Variants in COL18A1 observed in about 807,000 individuals in gnomAD.
COL18A1 encodes the protein collagen type XVIII alpha 1 chain.
A neutral mutation model predicts 168.0 loss-of-function variants in COL18A1; 133 were observed. That is an observed-to-expected ratio of 0.79 (90% CI 0.69 to 0.91). The LOEUF (loss-of-function observed/expected upper bound fraction) is 0.91. Among genes scored for constraint, COL18A1 ranks in the 40% least tolerant of loss-of-function variants. The pLI, the probability that COL18A1 is intolerant of heterozygous loss-of-function variation, is 0.00. For synonymous variants in COL18A1, 949 were observed against 809.0 expected, an observed-to-expected ratio of 1.17 and a Z score of -2.94; for missense variants, 2,126 against 1,925.4, an observed-to-expected ratio of 1.10 and a Z score of -1.95.
chr21:45,405,745 G>T (rs1482390774), intron 2 of COL18A1, among the ~76,000 whole-genome samples: 1 of 151,028 alleles, frequency 6.6e-6, no homozygotes. Context: ...CTCCGCGGCC[G>T]GCGGGGTCGT....
chr21:45,415,898 G>A (rs953968209), intron 2 of COL18A1, among the ~76,000 whole-genome samples: 1 of 152,186 alleles, frequency 6.6e-6, no homozygotes, highest in Admixed American at 6.5e-5. Flanking sequence ...CCTCAGCCCT[G>A]AGGGTACTTG....
At chr21:45,491,579 T>G (rs564593755) in intron 22 of COL18A1, among the ~76,000 whole-genome samples, 1 of 144,488 alleles carries the variant, frequency 6.9e-6, no homozygotes, top group African/African-American at 2.5e-5. Flanking sequence ...AAGGCTCCCA[T>G]TGGGCTCACT....
chr21:45,439,538 T>C (rs924364835), intron 2 of COL18A1, among the ~76,000 whole-genome samples: 1 of 152,266 alleles, frequency 6.6e-6, no homozygotes, highest in East Asian at 1.9e-4. Flanking sequence ...CTTCGGTGCC[T>C]GCTGAGAAAT....
chr21:45,429,527 T>C (rs941452420), intron 2 of COL18A1, among the ~76,000 whole-genome samples: 3 of 152,214 alleles, frequency 2.0e-5, no homozygotes, highest in Admixed American at 1.3e-4. Flanking sequence ...GCATAGAACA[T>C]GGCCCAGGAA....
At chr21:45,428,993 C>G (rs1460415430) in intron 2 of COL18A1, among the ~76,000 whole-genome samples, 1 of 151,680 alleles carries the variant, frequency 6.6e-6, no homozygotes, top group East Asian at 1.9e-4. Flanking sequence ...ACCTCTGCCT[C>G]CCAGGTTCAA....
Position 45,505,205 on chromosome 21 carries a change from C to T in COL18A1, c.2940C>T (p.Tyr980=), listed in dbSNP as rs768583096. 2.7e-5 allele frequency: 44 copies of T among 1,603,210 alleles called. No individual in the cohort carries two copies. The highest frequency in any genetic ancestry group is 3.2e-5 in the Non-Finnish European group (38 of 1,176,072). ...CTCAGGGACCCCCCGGCATCGGCTA[C>T]GAGGGGCGCCAGGGCCCTCCCGGCC... The part of the protein sequence containing the change: ...PGPQGPPGIG[Y]EGRQGPPGPP... Residue 980 remains tyrosine (Y), a synonymous_variant, in exon 35 of 42, where the codon TAC becomes TAT. Transcript: ENST00000651438.
intron 2 of COL18A1, among the ~76,000 whole-genome samples, chr21:45,444,916 C>T (rs2034472598): frequency 6.6e-6 from 1 of 152,118 alleles, no homozygotes; most frequent in Non-Finnish European, 1.5e-5. Flanking sequence ...AATCAAGCAG[C>T]ATTAAGGATT....
At chr21:45,452,355 A>C (rs1009421985) in intron 2 of COL18A1, among the ~76,000 whole-genome samples, 1 of 148,584 alleles carries the variant, frequency 6.7e-6, no homozygotes, top group African/African-American at 2.5e-5. Context: ...GCACTCTGTG[A>C]CATGTGTAAG....
chr21:45,471,027 T>TC lies in COL18A1; in HGVS notation c.651+2241_651+2242insC, dbSNP rs11375422. 0.22 allele frequency among the ~76,000 whole-genome samples: 31,489 copies of TC among 146,138 alleles called. 4,621 individuals carry two copies. Among genetic ancestry groups the TC allele is most frequent in the African/African-American group, 0.42 (16,276 of 39,214 alleles). On this transcript the variant is annotated intron_variant, in intron 3 of 41. Transcript: ENST00000651438. This position sits in a 1 kb window ranked among gnomAD's most constrained non-coding sequence, Gnocchi z 4.4. The stretch of plus-strand genomic sequence containing the variant: ...GGGCCTGGGTGGCGTGCTACGGGCT[T>TC]GTGCTGCTGGGTGTGGGTGGCGCGC...
At chr21:45,442,309 G>A (rs1436402176) in intron 2 of COL18A1, among the ~76,000 whole-genome samples, 2 of 152,202 alleles carry the variant, frequency 1.3e-5, no homozygotes, top group Admixed American at 6.5e-5. Context: ...TTTTGTAACT[G>A]CAGAGCATGA....
intron 2 of COL18A1, chr21:45,456,776 C>A (rs1193382911): frequency 1.3e-6 from 2 of 1,542,880 alleles, no homozygotes; most frequent in Non-Finnish European, 1.7e-6. Flanking sequence ...CGAGGCCCTG[C>A]AGGATGCGTG....
In COL18A1 at chr21:45,498,643, C is replaced by T. The variant is rs927442595; in HGVS notation, c.2683+982C>T. 3.1e-5 allele frequency: 22 copies of T among 698,956 alleles called. No individual in the cohort carries two copies. The highest frequency in any genetic ancestry group is 1.4e-4 in the African/African-American group (8 of 56,598). The allele number at this position is 698,956 out of a possible 1,614,324, so 43.3% of individuals were successfully genotyped here. On this transcript the variant is annotated intron_variant, in intron 32 of 41. Coordinates refer to ENST00000651438, the MANE Select transcript of COL18A1 (RefSeq NM_001379500.1). This position sits in a 1 kb window ranked among gnomAD's most constrained non-coding sequence, Gnocchi z 4.5. ...GAGGCAAAGGCAGGCAGAAAGCAAG[C>T]GGGAAGATGGAAGATGTGCCCATGC...
chr21:45,500,499 T>G (rs1361625454), intron 32 of COL18A1, among the ~76,000 whole-genome samples: 4 of 38,222 alleles, frequency 1.0e-4, no homozygotes, highest in Non-Finnish European at 1.4e-4. Flanking sequence ...GCGTGTGTAG[T>G]GTGGGGGTGT....
chr21:45,476,199 C>A (rs1010893640), intron 5 of COL18A1, 152 bp from the exon 6 acceptor site: 8 of 1,162,592 alleles, frequency 6.9e-6, no homozygotes, highest in Middle Eastern at 2.9e-4. Context: ...CGGAAGGAAG[C>A]CCCTCGCGCA....
chr21:45,472,033 C>T lies in COL18A1; in HGVS notation c.652-1862C>T, dbSNP rs148415073. Among the ~76,000 whole-genome samples, 625 of 152,228 alleles carry T rather than the reference C, an allele frequency of 4.1e-3. 6 individuals carry two copies. Among genetic ancestry groups the T allele is most frequent in the African/African-American group, 0.014 (591 of 41,548 alleles). On this transcript the variant is annotated intron_variant, in intron 3 of 41. Coordinates refer to ENST00000651438, the MANE Select transcript of COL18A1 (RefSeq NM_001379500.1). ...CCCTGTAGCCCCGTGCAGGAGGCGT[C>T]GGCCCCTCGGGGGCACTCTCAGGAG... is the stretch of plus-strand genomic sequence containing the variant.
chr21:45,434,245 C>T (rs887778664), intron 2 of COL18A1, among the ~76,000 whole-genome samples: 1 of 152,150 alleles, frequency 6.6e-6, no homozygotes, highest in Admixed American at 6.5e-5. Flanking sequence ...TGTGGCAGGG[C>T]AGGACAGAAG....
At position 45,480,801 on chromosome 21, in the gene COL18A1, C is replaced by T. The variant is rs914401777; in HGVS notation, c.1554C>T (p.Pro518=). The T allele has an allele frequency of 9.9e-6, 16 of 1,611,614 alleles. No homozygotes were observed. In the East Asian group the frequency reaches 2.0e-4, roughly 20 times the overall value. The change falls in exon 13 of 42, where the codon CCC becomes CCT. Residue 518 remains proline, a synonymous_variant. Transcript: ENST00000651438. ...FGVNSSDVPG[P]AGLPGVPGRE... ...TGAACAGCTCCGACGTCCCAGGACC[C>T]GCCGGCCTTCCTGGTGTGCCTGGGC...
At chr21:45,489,554 C>T in intron 19 of COL18A1, 33 bp downstream of exon 19, 2 of 1,514,668 alleles carry the variant, frequency 1.3e-6, no homozygotes, top group Non-Finnish European at 1.8e-6. Flanking sequence ...GGGACGTGGC[C>T]AGGCAGAGGC....
At chr21:45,480,344 G>A (rs1241334749) in intron 11 of COL18A1, 123 bp from the exon 12 acceptor site, 18 of 1,558,670 alleles carry the variant, frequency 1.2e-5, no homozygotes, top group East Asian at 4.6e-5. Flanking sequence ...GCAGCAGAGG[G>A]GCCGTGGTTT....
Sources: gnomAD v4.1 joint callset for allele counts (sites outside exome capture counted in the v4.1 genomes callset) on GRCh38, gnomAD v4.1.1 for gene constraint, Gnocchi (gnomAD v3.1) non-coding constraint, MANE v1.5 for transcripts, NCBI Gene and HGNC (gene_info 2026-07-23, HGNC 2026-07-21) for gene names.